Variants in UBA2 observed in about 807,000 individuals in gnomAD.
UBA2 encodes the protein SUMO-activating enzyme subunit 2.
Under a neutral mutation model 77.2 loss-of-function variants are expected in UBA2, and 11 were observed. The ratio of observed to expected loss-of-function variants is 0.14; its 90% CI spans 0.09 to 0.24. The LOEUF (loss-of-function observed/expected upper bound fraction) is 0.24, where lower values mean the gene tolerates loss of function less well. Among genes scored for constraint, UBA2 ranks in the 10% least tolerant of loss-of-function variants. The pLI is 1.00. For synonymous variants in UBA2, 278 were observed against 276.7 expected, an observed-to-expected ratio of 1.00 and a Z score of -0.05; for missense variants, 487 against 781.7, an observed-to-expected ratio of 0.62 and a Z score of 4.50.
chr19:34,457,644 C>T (rs1038489301), intron 12 of UBA2, among the ~76,000 whole-genome samples: 13 of 152,266 alleles, frequency 8.5e-5, no homozygotes, highest in Non-Finnish European at 1.6e-4. Context: ...TTTAGTGTCT[C>T]TTGAGGGATT....
intron 8 of UBA2, among the ~76,000 whole-genome samples, chr19:34,447,179 T>G (rs543739343): frequency 6.6e-5 from 10 of 152,140 alleles, no homozygotes; most frequent in Non-Finnish European, 1.3e-4. Context: ...GAGAAAGATG[T>G]AGGCTGGGAG....
intron 6 of UBA2, among the ~76,000 whole-genome samples, chr19:34,442,883 G>T (rs906638913): frequency 6.6e-6 from 1 of 152,168 alleles, no homozygotes; most frequent in African/African-American, 2.4e-5. Flanking sequence ...TGTTGGGAGT[G>T]ACTATCAGAG....
Position 34,452,136 on chromosome 19 carries a change from A to T in UBA2, c.1027A>T (p.Ile343Leu). The part of the protein sequence containing the change: ...LAEKGDGAEL[I>L]WDKDDPSAMD... Reference sequence around the variant, plus strand: ...AGAAAAGGGGGATGGAGCTGAGCTCATATGGGATAAGGTTCGTTTTGACAA... The same window carrying T: ...AGAAAAGGGGGATGGAGCTGAGCTCTTATGGGATAAGGTTCGTTTTGACAA... Residue 343 changes from isoleucine (I) to leucine (L), a missense_variant, in exon 10 of 17, where the codon ATA (isoleucine) becomes TTA (leucine). By Grantham distance (5) the Ile-to-Leu change is conservative. Around this residue, in one of 9 missense-constraint regions of UBA2, gnomAD observed 300 missense variants for 454.3 expected, o/e 0.66. Coordinates refer to ENST00000246548, the MANE Select transcript of UBA2 (RefSeq NM_005499.3). 6.2e-7 allele frequency: 1 copy of T among 1,600,230 alleles called. No individual in the cohort carries two copies. Among genetic ancestry groups the T allele is most frequent in the Non-Finnish European group, 8.5e-7 (1 of 1,171,248 alleles).
At chr19:34,445,390 A>T (rs1370396370) in intron 8 of UBA2, among the ~76,000 whole-genome samples, 2 of 148,836 alleles carry the variant, frequency 1.3e-5, no homozygotes. Context: ...TCCTTCTCTC[A>T]CTTTTTACAG....
chr19:34,439,838 AAAAG>A (rs1380054645), intron 6 of UBA2, among the ~76,000 whole-genome samples: 2 of 152,052 alleles, frequency 1.3e-5, no homozygotes, highest in East Asian at 3.9e-4. Context: ...AAGAAAGAAA[AAAAG>A]AATGAGAAGG....
At chr19:34,455,076 G>A (rs1324458078) in intron 12 of UBA2, among the ~76,000 whole-genome samples, 3 of 152,152 alleles carry the variant, frequency 2.0e-5, no homozygotes, top group African/African-American at 7.2e-5. Flanking sequence ...ATTGTGTCTG[G>A]TAATTCTTTA....
Position 34,455,621 on chromosome 19 carries a change from T to G in UBA2, c.1245+1065T>G, listed in dbSNP as rs143040128. On this transcript the variant is annotated intron_variant, in intron 12 of 16. Transcript: ENST00000246548. Reference sequence around the variant, plus strand: ...TCTAGTTTGCAATGGTACTGTTATTTTGCAGTGTCATTGATGCACACTTAC... The same window carrying G: ...TCTAGTTTGCAATGGTACTGTTATTGTGCAGTGTCATTGATGCACACTTAC... Among the ~76,000 whole-genome samples, 18 of 152,328 alleles carry G rather than the reference T, an allele frequency of 1.2e-4. No homozygotes were observed. The East Asian group carries it at 3.3e-3, about 28-fold the overall frequency.
At chr19:34,459,139 C>A (rs2075604306) in intron 13 of UBA2, among the ~76,000 whole-genome samples, 1 of 152,164 alleles carries the variant, frequency 6.6e-6, no homozygotes, top group South Asian at 2.1e-4. Flanking sequence ...GAGTATTTGA[C>A]TGGAATCTGC....
At chr19:34,443,661 CGAACTCCT>C (rs2075394765) in intron 6 of UBA2, among the ~76,000 whole-genome samples, 175 bp from the exon 7 acceptor site, 1 of 152,000 alleles carries the variant, frequency 6.6e-6, no homozygotes, top group African/African-American at 2.4e-5. Flanking sequence ...AGGCTGGTCT[CGAACTCCT>C]GACTTTGTGA....
In UBA2 at chr19:34,428,427, C is replaced by G. The variant is rs769560340; in HGVS notation, c.-6C>G. 7.9e-7 allele frequency: 1 copy of G among 1,260,302 alleles called. No homozygotes were observed. Among genetic ancestry groups the G allele is most frequent in the African/African-American group, 1.5e-5 (1 of 65,592 alleles). 78.1% of individuals were successfully genotyped at this position (1,260,302 alleles called of 1,614,324 possible). A position where few individuals can be genotyped will look rare whatever the true frequency, so the allele number is the denominator to read the frequency against. ...CGCCTCCGCCGCGGCTCGTGGTTGTCCCGCCATGGCACTGTCGCGGGGGCT... is the reference window on the plus strand; with the variant it reads ...CGCCTCCGCCGCGGCTCGTGGTTGTGCCGCCATGGCACTGTCGCGGGGGCT... On this transcript the variant is annotated 5_prime_UTR_variant, in exon 1 of 17. Transcript: ENST00000246548.
At chr19:34,441,566 A>T (rs2145510876) in intron 6 of UBA2, among the ~76,000 whole-genome samples, 1 of 152,320 alleles carries the variant, frequency 6.6e-6, no homozygotes, top group East Asian at 1.9e-4. Context: ...TTCAGCAAAC[A>T]TTGTCTTTAA....
chr19:34,466,074 A>G (rs1036851488), intron 15 of UBA2, among the ~76,000 whole-genome samples: 1 of 151,698 alleles, frequency 6.6e-6, no homozygotes, highest in Non-Finnish European at 1.5e-5. Context: ...GACGGCTCAC[A>G]CCTGTAATCC....
chr19:34,436,259 C>A (rs961616790), intron 5 of UBA2, among the ~76,000 whole-genome samples: 2 of 151,926 alleles, frequency 1.3e-5, no homozygotes, highest in Admixed American at 6.6e-5. Flanking sequence ...GAACAAAATA[C>A]CTGTGTGCTC....
intron 12 of UBA2, among the ~76,000 whole-genome samples, chr19:34,457,095 G>A (rs915049731): frequency 6.8e-6 from 1 of 146,164 alleles, no homozygotes; most frequent in Non-Finnish European, 1.5e-5. Flanking sequence ...TTGGGAGGCC[G>A]AGGCAGGCAG....
intron 15 of UBA2, 134 bp from the exon 16 acceptor site, chr19:34,466,744 A>G (rs1001311772): frequency 3.0e-5 from 20 of 668,758 alleles, no homozygotes; most frequent in Non-Finnish European, 4.6e-5. Flanking sequence ...TTTTTTAAAT[A>G]AAAATTAAAA....
At chr19:34,457,175 A>AT (rs1226463566) in intron 12 of UBA2, among the ~76,000 whole-genome samples, 17 of 77,998 alleles carry the variant, frequency 2.2e-4, no homozygotes, top group African/African-American at 3.4e-4. Flanking sequence ...CTAAAAAAAA[A>AT]AAAAATATAT....
intron 8 of UBA2, among the ~76,000 whole-genome samples, chr19:34,449,184 C>T (rs1392537787): frequency 6.7e-6 from 1 of 149,906 alleles, no homozygotes; most frequent in Admixed American, 6.7e-5. Context: ...ATTCTCCTGC[C>T]TCAGCCTCCC....
At chr19:34,445,687 C>G (rs533370196) in intron 8 of UBA2, among the ~76,000 whole-genome samples, 21 of 152,168 alleles carry the variant, frequency 1.4e-4, no homozygotes, top group African/African-American at 4.3e-4. Flanking sequence ...ATCTGCCCAC[C>G]TTGGCTTCCC....
chr19:34,440,951 T>C (rs909384014), intron 6 of UBA2, among the ~76,000 whole-genome samples: 68 of 148,582 alleles, frequency 4.6e-4, no homozygotes, highest in Middle Eastern at 3.5e-3. Flanking sequence ...AAAATTACCA[T>C]ATGGATCTAG....
Sources: gnomAD v4.1 joint callset for allele counts (sites outside exome capture counted in the v4.1 genomes callset) on GRCh38, gnomAD v4.1.1 for gene constraint, gnomAD v4.1.1 regional missense constraint, MANE v1.5 for transcripts, NCBI Gene and HGNC (gene_info 2026-07-23, HGNC 2026-07-21) for gene names.